RNF115: variants seen among roughly 807,000 people sequenced by gnomAD.
RNF115 encodes the protein E3 ubiquitin-protein ligase RNF115.
Under a neutral mutation model 39.2 loss-of-function variants are expected in RNF115, and 31 were observed. The ratio of observed to expected loss-of-function variants is 0.79; its 90% CI spans 0.59 to 1.07. RNF115 has a LOEUF of 1.07. RNF115 is among the 50% of genes least tolerant of loss of function. The pLI, the probability that RNF115 is intolerant of heterozygous loss-of-function variation, is 0.00. For missense variants in RNF115, 384 were observed against 381.7 expected (o/e 1.01, Z -0.05); for synonymous variants, 124 against 131.0 (o/e 0.95, Z 0.37).
intron 4 of RNF115, among the ~76,000 whole-genome samples, chr1:145,762,239 T>A (rs1229143552): frequency 6.6e-6 from 1 of 152,194 alleles, no homozygotes; most frequent in Non-Finnish European, 1.5e-5. Flanking sequence ...GGGGGACTGC[T>A]GGGAATGCAT....
intron 5 of RNF115, among the ~76,000 whole-genome samples, chr1:145,751,973 C>T (rs1314894584): frequency 6.6e-6 from 1 of 152,176 alleles, no homozygotes; most frequent in African/African-American, 2.4e-5. Flanking sequence ...CCATAGCAGT[C>T]TCTCTGAATC....
chr1:145,770,604 G>T (rs1213875715), intron 4 of RNF115, among the ~76,000 whole-genome samples: 1 of 152,088 alleles, frequency 6.6e-6, no homozygotes, highest in African/African-American at 2.4e-5. Context: ...TGTCGCACTA[G>T]ATTCATATAG....
intron 1 of RNF115, among the ~76,000 whole-genome samples, chr1:145,817,933 G>C (rs1553723848): frequency 1.6e-5 from 2 of 124,562 alleles, no homozygotes; most frequent in Admixed American, 8.3e-5. Flanking sequence ...TTTCGGTTTT[G>C]TTTTTTTTAA....
chr1:145,768,410 G>A (rs587740005), intron 4 of RNF115, among the ~76,000 whole-genome samples: 1 of 152,344 alleles, frequency 6.6e-6, no homozygotes, highest in East Asian at 1.9e-4. Flanking sequence ...CCACCTCCCA[G>A]GTTCAAGTGA....
chr1:145,771,598 T>C (rs938105336), intron 4 of RNF115, 113 bp downstream of exon 4: 2 of 784,066 alleles, frequency 2.6e-6, no homozygotes, highest in African/African-American at 1.7e-5. Flanking sequence ...TTTCTACATA[T>C]GTCCATCTTG....
chr1:145,769,760 T>TAAAAAAAAAA (rs11286047), intron 4 of RNF115, among the ~76,000 whole-genome samples: 1 of 125,592 alleles, frequency 8.0e-6, no homozygotes, highest in African/African-American at 3.1e-5. Context: ...TAAAAATCCT[T>TAAAAAAAAAA]AAAAAAAAAA....
chr1:145,794,871 G>C (rs1174289240), intron 1 of RNF115, among the ~76,000 whole-genome samples: 2 of 151,880 alleles, frequency 1.3e-5, no homozygotes, highest in East Asian at 3.9e-4. Flanking sequence ...CAAAAAATTA[G>C]CCGTGCGTGG....
In RNF115 at chr1:145,781,860, T is replaced by C. The variant is rs146516520; in HGVS notation, c.219+2679A>G. Among the ~76,000 whole-genome samples, 538 of 151,968 alleles carry C rather than the reference T, an allele frequency of 3.5e-3. 2 individuals are homozygous for C. The highest frequency in any genetic ancestry group is 0.014 in the Middle Eastern group (4 of 294). ...TCTTCCTTCTACTATACTTGTTACA[T>C]ATACCCCAGAATAAATTTATTATAC... On this transcript the variant is annotated intron_variant, in intron 3 of 8. Transcript: ENST00000582693.
intron 1 of RNF115, among the ~76,000 whole-genome samples, chr1:145,819,155 GGCCAGGGCCATGGCTCATGCCTA>G: frequency 6.6e-6 from 1 of 150,398 alleles, no homozygotes; most frequent in East Asian, 1.9e-4. Flanking sequence ...TAAAAAACCT[GGCCAGGGCCATGGCTCATGCCTA>G]CAATCCCAGC....
chr1:145,752,135 G>A (rs1553712569), intron 5 of RNF115, among the ~76,000 whole-genome samples: 1 of 152,014 alleles, frequency 6.6e-6, no homozygotes, highest in Admixed American at 6.5e-5. Context: ...AAACCTTCTG[G>A]GCCACAGTTA....
intron 4 of RNF115, among the ~76,000 whole-genome samples, chr1:145,766,745 G>A (rs1647303535): frequency 3.3e-5 from 4 of 120,582 alleles, no homozygotes; most frequent in South Asian, 3.0e-4. Context: ...CAGTAGGGGC[G>A]GCCGGGCAGA....
chr1:145,786,076 T>TA (rs1648367272), intron 2 of RNF115, among the ~76,000 whole-genome samples: 1 of 152,204 alleles, frequency 6.6e-6, no homozygotes, highest in Non-Finnish European at 1.5e-5. Context: ...CCGCAACTCT[T>TA]ATTTTCTGGG....
intron 4 of RNF115, among the ~76,000 whole-genome samples, chr1:145,758,811 G>GAGAC (rs782337161): frequency 6.6e-6 from 1 of 152,196 alleles, no homozygotes; most frequent in Non-Finnish European, 1.5e-5. Flanking sequence ...AGCAGTAACA[G>GAGAC]AGACTGCTGA....
chr1:145,779,492 T>G (rs1461563602), intron 3 of RNF115, among the ~76,000 whole-genome samples: 2 of 151,914 alleles, frequency 1.3e-5, no homozygotes, highest in Non-Finnish European at 2.9e-5. Context: ...CTAATAACTA[T>G]AGAGAGACAA....
At chr1:145,755,380 G>A (rs1042101932) in intron 4 of RNF115, among the ~76,000 whole-genome samples, 3 of 152,076 alleles carry the variant, frequency 2.0e-5, no homozygotes, top group Non-Finnish European at 4.4e-5. Flanking sequence ...CCAACAGCCA[G>A]AACAAACCTG....
At chr1:145,771,686 A>C in intron 4 of RNF115, 25 bp downstream of exon 4, 1 of 1,594,652 alleles carries the variant, frequency 6.3e-7, no homozygotes, top group Non-Finnish European at 8.6e-7. Context: ...CTACCTTAAA[A>C]AGAACTTAAA....
chr1:145,806,438 C>T (rs1649467793), intron 1 of RNF115, among the ~76,000 whole-genome samples: 3 of 152,002 alleles, frequency 2.0e-5, no homozygotes, highest in African/African-American at 7.2e-5. Context: ...ATTTTACTAC[C>T]CATTTTTCTC....
At chr1:145,821,978 G>T (rs1342195968) in intron 1 of RNF115, among the ~76,000 whole-genome samples, 3 of 148,496 alleles carry the variant, frequency 2.0e-5, no homozygotes, top group South Asian at 2.2e-4. Flanking sequence ...TCCCAGCACT[G>T]AAATATGGCC....
intron 1 of RNF115, among the ~76,000 whole-genome samples, chr1:145,820,266 A>G (rs1319858978): frequency 6.6e-6 from 1 of 150,844 alleles, no homozygotes; most frequent in African/African-American, 2.4e-5. Flanking sequence ...GAAATTTGAG[A>G]CCAGCCGGGG....
Sources: allele counts gnomAD v4.1 joint callset (sites outside exome capture counted in the v4.1 genomes callset), GRCh38; gene constraint gnomAD v4.1.1; transcripts MANE v1.5; gene names NCBI Gene and HGNC (gene_info 2026-07-23, HGNC 2026-07-21).